SLC35E1: variants seen among roughly 807,000 people sequenced by gnomAD.
SLC35E1 encodes the protein solute carrier family 35 member E1, also known as solute carrier family 35, member E1.
A neutral mutation model predicts 31.0 loss-of-function variants in SLC35E1; 12 were observed. The ratio of observed to expected loss-of-function variants is 0.39; its 90% CI spans 0.25 to 0.63. The LOEUF is 0.63. SLC35E1 is among the 20% of genes least tolerant of loss of function. The probability of loss-of-function intolerance (pLI) is 0.52; values close to 1 mark genes in which losing one functional copy is unlikely to be tolerated. For missense variants in SLC35E1, 429 were observed against 572.2 expected (o/e 0.75, Z 2.55); for synonymous variants, 257 against 264.1 (o/e 0.97, Z 0.26).
chr19:16,562,463 C>T (rs1207323369), intron 4 of SLC35E1, among the ~76,000 whole-genome samples: 1 of 152,196 alleles, frequency 6.6e-6, no homozygotes, highest in Admixed American at 6.5e-5. Context: ...ATATTCAAGT[C>T]CCTTTTATAA....
rs2085964567 is a variant in SLC35E1 at position 16,572,320 on chromosome 19, CG to C, written c.44del (p.Pro15ArgfsTer26). 4 of 1,230,352 alleles carry C rather than the reference CG, an allele frequency of 3.3e-6. No individual in the cohort carries two copies. Among genetic ancestry groups the C allele is most frequent in the Non-Finnish European group, 4.1e-6 (4 of 980,924 alleles). 76.2% of individuals were successfully genotyped at this position (1,230,352 alleles called of 1,614,324 possible). ...CCCCACCACTGCTGCTCGCTGCGCC[CG>C]GGCCCCCCGCGCCGTGGCCCGCGCC... ...AVGAGHGAGG[P>X]GAASSSGGAR... On this transcript the variant is annotated frameshift_variant, in exon 1 of 6. Coordinates refer to ENST00000595753, the MANE Select transcript of SLC35E1 (RefSeq NM_024881.5). LOFTEE classifies it high-confidence loss of function. The surrounding 1 kb of genome is among the most constrained non-coding windows in gnomAD (Gnocchi z 4.1).
At chr19:16,571,268 G>C (rs1367963825) in intron 2 of SLC35E1, among the ~76,000 whole-genome samples, 1 of 152,146 alleles carries the variant, frequency 6.6e-6, no homozygotes, top group Admixed American at 6.5e-5. Flanking sequence ...ATCTGAAAGG[G>C]ACAACAGTGT....
At position 16,567,131 on chromosome 19, in the gene SLC35E1, G is replaced by A. The variant is rs374835891; in HGVS notation, c.631-474C>T. ...AAATAAGTGGTATTTCCAATAGAGA[G>A]ACTGCATTAACTGTGGTACCTGAAA... is the stretch of plus-strand genomic sequence containing the variant. On this transcript the variant is annotated intron_variant, in intron 3 of 5. Transcript: ENST00000595753. Among the ~76,000 whole-genome samples the A allele has an allele frequency of 5.1e-4, 77 of 152,316 alleles. 1 individual carries two copies. The highest frequency in any genetic ancestry group is 1.8e-3 in the African/African-American group (74 of 41,560).
At chr19:16,559,725 T>G (rs139397821) in intron 4 of SLC35E1, among the ~76,000 whole-genome samples, 11 of 152,222 alleles carry the variant, frequency 7.2e-5, no homozygotes, top group Non-Finnish European at 1.3e-4. Context: ...CCAGAGTCTT[T>G]ACTTTGCTCC....
intron 2 of SLC35E1, among the ~76,000 whole-genome samples, chr19:16,569,485 G>A (rs898489477): frequency 6.6e-6 from 1 of 152,196 alleles, no homozygotes; most frequent in African/African-American, 2.4e-5. Flanking sequence ...CTTCTAGAAG[G>A]TCTGGCATGC....
intron 4 of SLC35E1, among the ~76,000 whole-genome samples, chr19:16,563,858 T>C (rs1160758558): frequency 6.6e-6 from 1 of 152,184 alleles, no homozygotes; most frequent in Admixed American, 6.6e-5. Context: ...AGCAATTATA[T>C]GAGTGAGTGT....
At chr19:16,571,655 G>T in intron 1 of SLC35E1, 73 bp from the exon 2 acceptor site, 1 of 1,519,818 alleles carries the variant, frequency 6.6e-7, no homozygotes. Context: ...CTCCACGGCG[G>T]GATGGGAGGG....
Position 16,566,670 on chromosome 19 carries a change from A to G in SLC35E1, c.631-13T>C. On this transcript the variant is annotated splice_polypyrimidine_tract_variant and intron_variant, in intron 3 of 5. Transcript: ENST00000595753. The stretch of plus-strand genomic sequence containing the variant: ...AATCTCGCAAGACCTGGAAAGGGAA[A>G]GCCTCTTTAGAGGGTGATTAAAACT... 1 of 1,610,300 alleles carries G rather than the reference A, an allele frequency of 6.2e-7. No individual in the cohort carries two copies.
At chr19:16,563,400 A>C (rs2085916981) in intron 4 of SLC35E1, among the ~76,000 whole-genome samples, 1 of 152,208 alleles carries the variant, frequency 6.6e-6, no homozygotes, top group Non-Finnish European at 1.5e-5. Context: ...GTGATTATAC[A>C]TGCAAATTTG....
rs930700587 is a variant in SLC35E1 at position 16,553,384 on chromosome 19, G to C, written c.*295C>G. 22 of 239,316 alleles carry C rather than the reference G, an allele frequency of 9.2e-5. No individual in the cohort carries two copies. The highest frequency in any genetic ancestry group is 1.5e-4 in the Non-Finnish European group (19 of 124,806). 14.8% of individuals were successfully genotyped at this position (239,316 alleles called of 1,614,324 possible). On this transcript the variant is annotated 3_prime_UTR_variant, in exon 6 of 6. Coordinates refer to ENST00000595753, the MANE Select transcript of SLC35E1 (RefSeq NM_024881.5). ...TTGGGGAATAATTCCACATGGAAAG[G>C]TACAACGTGGCCAAGATCTCCGCAG...
intron 4 of SLC35E1, among the ~76,000 whole-genome samples, chr19:16,563,147 C>T (rs1040332845): frequency 6.6e-6 from 1 of 151,740 alleles, no homozygotes; most frequent in Non-Finnish European, 1.5e-5. Context: ...ATGGAGAAAC[C>T]CCACCTCTAG....
intron 4 of SLC35E1, among the ~76,000 whole-genome samples, chr19:16,557,460 T>C (rs2085880689): frequency 6.6e-6 from 1 of 152,176 alleles, no homozygotes; most frequent in South Asian, 2.1e-4. Flanking sequence ...CCCAAAGTGC[T>C]GGGATTACTG....
In SLC35E1 at chr19:16,571,760, T is replaced by A. The variant is rs560843611; in HGVS notation, c.422-178A>T. Reference sequence around the variant, plus strand: ...GTCTGTCCTGCTTACCTCTCAGCTCTCTTCTCAGCTCCTCTTCTCCCTGAG... The same window carrying A: ...GTCTGTCCTGCTTACCTCTCAGCTCACTTCTCAGCTCCTCTTCTCCCTGAG... On this transcript the variant is annotated intron_variant, in intron 1 of 5. Transcript: ENST00000595753. Among the ~76,000 whole-genome samples the A allele has an allele frequency of 2.0e-5, 3 of 152,316 alleles. No homozygotes were observed. The East Asian group carries it at 5.8e-4, about 29-fold the overall frequency.
In SLC35E1 at chr19:16,555,104, G is replaced by A. The variant is rs750733803; in HGVS notation, c.1002+48C>T. 5 of 1,610,698 alleles carry A rather than the reference G, an allele frequency of 3.1e-6. No individual in the cohort carries two copies. The East Asian group carries it at 1.1e-4, about 36-fold the overall frequency. ...GGCCCTTCCTTTTCTGACTTCCTGG[G>A]TGTTGGGGGGCCGGCTTCCTTCCCT... On this transcript the variant is annotated intron_variant, in intron 5 of 5. Coordinates refer to ENST00000595753, the MANE Select transcript of SLC35E1 (RefSeq NM_024881.5). This position sits in a 1 kb window ranked among gnomAD's most constrained non-coding sequence, Gnocchi z 4.1.
At chr19:16,556,670 G>A (rs2085876533) in intron 4 of SLC35E1, among the ~76,000 whole-genome samples, 1 of 152,224 alleles carries the variant, frequency 6.6e-6, no homozygotes, top group African/African-American at 2.4e-5. Flanking sequence ...GTGAGAACCA[G>A]GTAGACACTG....
At chr19:16,566,494 C>T (rs771743243) in intron 4 of SLC35E1, 38 bp downstream of exon 4, 2 of 1,610,480 alleles carry the variant, frequency 1.2e-6, no homozygotes, top group African/African-American at 2.7e-5. Context: ...CTGGAACTAG[C>T]CAAGAAAATG....
At chr19:16,557,445 G>A (rs1268640023) in intron 4 of SLC35E1, among the ~76,000 whole-genome samples, 1 of 151,996 alleles carries the variant, frequency 6.6e-6, no homozygotes, top group Non-Finnish European at 1.5e-5. Flanking sequence ...CACCTGCCTC[G>A]GCCTCCCAAA....
intron 4 of SLC35E1, among the ~76,000 whole-genome samples, chr19:16,559,535 C>A (rs1439654191): frequency 6.6e-6 from 1 of 150,994 alleles, no homozygotes; most frequent in Non-Finnish European, 1.5e-5. Context: ...AACGTGTAGT[C>A]CCAGCTACTC....
Position 16,552,380 on chromosome 19 carries a change from A to T in SLC35E1, c.*1299T>A. 6.6e-6 allele frequency: 1 copy of T among 150,600 alleles called. No homozygotes were observed. 9.3% of individuals were successfully genotyped at this position (150,600 alleles called of 1,614,324 possible). On this transcript the variant is annotated 3_prime_UTR_variant, in exon 6 of 6. Coordinates refer to ENST00000595753, the MANE Select transcript of SLC35E1 (RefSeq NM_024881.5). ...TTTTGAGATGGAGTCTCGCTCTGTTACCCAGGCTGGAGTGCACAATCTCGG... is the reference window on the plus strand; with the variant it reads ...TTTTGAGATGGAGTCTCGCTCTGTTTCCCAGGCTGGAGTGCACAATCTCGG...
Sources: allele counts gnomAD v4.1 joint callset (sites outside exome capture counted in the v4.1 genomes callset), GRCh38; gene constraint gnomAD v4.1.1; non-coding constraint Gnocchi (gnomAD v3.1); transcripts MANE v1.5; gene names NCBI Gene and HGNC (gene_info 2026-07-23, HGNC 2026-07-21).